Variants in BLTP3B observed in about 807,000 individuals in gnomAD.
The protein encoded by BLTP3B is bridge-like lipid transfer protein family member 3B.
chr12:100,122,125 G>T, the BLTP3B span, among the ~76,000 whole-genome samples: 1 of 151,854 alleles, frequency 6.6e-6, no homozygotes, highest in Non-Finnish European at 1.5e-5. Flanking sequence ...TAAAATAAAT[G>T]AACTTGTTAA....
At chr12:100,059,728 A>G in the BLTP3B span, 2 of 1,185,852 alleles carry the variant, frequency 1.7e-6, no homozygotes, top group Non-Finnish European at 2.3e-6. Flanking sequence ...ATGACCACTA[A>G]GAAGAGAATC....
chr12:100,112,647 A>G, the BLTP3B span, among the ~76,000 whole-genome samples: 1 of 150,878 alleles, frequency 6.6e-6, no homozygotes, highest in Non-Finnish European at 1.5e-5. Flanking sequence ...TGCACTAAGT[A>G]AACATTTAAG....
chr12:100,050,133 T>C, the BLTP3B span: 28 of 1,436,786 alleles, frequency 1.9e-5, no homozygotes, highest in South Asian at 2.5e-4. Flanking sequence ...TATTAAACCA[T>C]TGTATATGAA....
the BLTP3B span, among the ~76,000 whole-genome samples, chr12:100,127,285 T>C: frequency 1.3e-5 from 2 of 152,334 alleles, no homozygotes; most frequent in African/African-American, 4.8e-5. Flanking sequence ...GCTTGGCACC[T>C]TTCCCTTGGC....
chr12:100,046,837 A>G, the BLTP3B span, among the ~76,000 whole-genome samples: 62 of 152,316 alleles, frequency 4.1e-4, no homozygotes, highest in African/African-American at 1.3e-3. Flanking sequence ...AACAAGGCAA[A>G]TAAGAACGTA....
At chr12:100,086,344 T>C in the BLTP3B span, 5 of 785,818 alleles carry the variant, frequency 6.4e-6, no homozygotes, top group African/African-American at 4.3e-5. Flanking sequence ...CCTCCAGTAA[T>C]ACGTCTGTTT....
At chr12:100,097,492 T>C in the BLTP3B span, 7 of 1,611,126 alleles carry the variant, frequency 4.3e-6, no homozygotes, top group Non-Finnish European at 5.9e-6. Flanking sequence ...ATTTATTTCT[T>C]TAAAAGTCAA....
the BLTP3B span, among the ~76,000 whole-genome samples, chr12:100,040,582 A>G: frequency 6.6e-6 from 1 of 152,130 alleles, no homozygotes; most frequent in Non-Finnish European, 1.5e-5. Flanking sequence ...GGCAGCCTGG[A>G]GGCTGAGGCA....
the BLTP3B span, among the ~76,000 whole-genome samples, chr12:100,048,778 G>GTA: frequency 0.019 from 2,508 of 132,288 alleles, 76 homozygotes; most frequent in Non-Finnish European, 0.028. Flanking sequence ...GTGAGTGTGT[G>GTA]TGTGTGTGTG....
chr12:100,041,714 C>T, the BLTP3B span, among the ~76,000 whole-genome samples: 3 of 151,992 alleles, frequency 2.0e-5, no homozygotes, highest in African/African-American at 7.2e-5. Context: ...GGATTACAGG[C>T]GTGAGCCACC....
chr12:100,108,705 C>T, the BLTP3B span, among the ~76,000 whole-genome samples: 13 of 152,054 alleles, frequency 8.5e-5, no homozygotes, highest in African/African-American at 1.9e-4. Flanking sequence ...TACATATACA[C>T]GATGGAGTAT....
chr12:100,100,694 A>G, the BLTP3B span, among the ~76,000 whole-genome samples: 2 of 151,676 alleles, frequency 1.3e-5, no homozygotes, highest in Non-Finnish European at 2.9e-5. Flanking sequence ...CCTGGGCAAC[A>G]GAGTGAGACC....
chr12:100,058,774 T>A, the BLTP3B span: 8 of 1,614,006 alleles, frequency 5.0e-6, no homozygotes, highest in Non-Finnish European at 6.8e-6. Context: ...GAAAGCAGGA[T>A]AAGTGACTCA....
At chr12:100,100,468 T>C in the BLTP3B span, among the ~76,000 whole-genome samples, 2 of 152,108 alleles carry the variant, frequency 1.3e-5, no homozygotes, top group Admixed American at 1.3e-4. Flanking sequence ...CCAAGCACTT[T>C]GAGAGGCAAA....
chr12:100,077,972 C>A, the BLTP3B span, among the ~76,000 whole-genome samples: 10,486 of 152,160 alleles, frequency 0.069, 391 homozygotes, highest in South Asian at 0.088. Context: ...ACAGAGACTA[C>A]TGTGTAATAA....
the BLTP3B span, chr12:100,047,570 A>T: frequency 6.2e-7 from 1 of 1,613,468 alleles, no homozygotes; most frequent in Non-Finnish European, 8.5e-7. Flanking sequence ...TCTCTACCAC[A>T]AGATGATCAA....
At chr12:100,040,671 G>GCGAGACTC in the BLTP3B span, among the ~76,000 whole-genome samples, 1 of 152,154 alleles carries the variant, frequency 6.6e-6, no homozygotes, top group South Asian at 2.1e-4. Flanking sequence ...GGGCGACAGA[G>GCGAGACTC]CGAGACTCCG....
the BLTP3B span, among the ~76,000 whole-genome samples, chr12:100,069,314 C>T: frequency 1.1e-3 from 164 of 152,232 alleles, 1 homozygote; most frequent in Middle Eastern, 3.4e-3. Context: ...GAAAAAGATA[C>T]TTGCACACAC....
chr12:100,050,219 C>T, the BLTP3B span: 1,073 of 1,604,470 alleles, frequency 6.7e-4, 8 homozygotes, highest in African/African-American at 0.012. Context: ...CCTAATTGGT[C>T]TGGTGTCACC....
Sources: gnomAD v4.1 joint callset for allele counts (sites outside exome capture counted in the v4.1 genomes callset) on GRCh38, gnomAD v4.1.1 for gene constraint, MANE v1.5 for transcripts, NCBI Gene and HGNC (gene_info 2026-07-23, HGNC 2026-07-21) for gene names.